The following EIF3H variants were observed in gnomAD, a reference collection of about 807,000 sequenced individuals.
EIF3H encodes eukaryotic translation initiation factor 3 subunit H.
Under a neutral mutation model 44.2 loss-of-function variants are expected in EIF3H, and 26 were observed. That is an observed-to-expected ratio of 0.59 (90% confidence interval 0.43 to 0.82). The LOEUF (loss-of-function observed/expected upper bound fraction) is 0.82, where lower values mean the gene tolerates loss of function less well. EIF3H is among the 40% of genes least tolerant of loss of function. EIF3H has a pLI of 0.00. For missense variants in EIF3H, 359 were observed against 432.8 expected, an observed-to-expected ratio of 0.83 and a Z score of 1.51; for synonymous variants, 166 against 151.9, an observed-to-expected ratio of 1.09 and a Z score of -0.68.
intron 1 of EIF3H, among the ~76,000 whole-genome samples, chr8:116,752,851 GAAAA>G (rs141864377): frequency 7.5e-6 from 1 of 133,742 alleles, no homozygotes; most frequent in African/African-American, 3.1e-5. Context: ...GAAAAGAAAA[GAAAA>G]AAGAGAGAGA....
intron 1 of EIF3H, among the ~76,000 whole-genome samples, chr8:116,761,717 G>C (rs1001189414): frequency 6.6e-6 from 1 of 152,154 alleles, no homozygotes; most frequent in African/African-American, 2.4e-5. Flanking sequence ...TTACTGTCTA[G>C]TTTAGAAATA....
intron 2 of EIF3H, among the ~76,000 whole-genome samples, chr8:116,670,916 T>A (rs1246499580): frequency 3.9e-5 from 6 of 152,168 alleles, no homozygotes; most frequent in Non-Finnish European, 8.8e-5. Flanking sequence ...TACTTTCCTA[T>A]GGAGGGCCAC....
At position 116,746,121 on chromosome 8, in the gene EIF3H, C is replaced by G. The variant is rs1194143818; in HGVS notation, c.132+9545G>C. On this transcript the variant is annotated intron_variant, in intron 1 of 7. Coordinates refer to ENST00000521861, the MANE Select transcript of EIF3H (RefSeq NM_003756.3). ...ATTTTTCCAAACTTCAGAATATTTA[C>G]TAAATTGACTTCTTATAGCTACAAA... 2.0e-5 allele frequency among the ~76,000 whole-genome samples: 3 copies of G among 152,134 alleles called. No individual in the cohort carries two copies. The East Asian group carries it at 5.8e-4, about 29-fold the overall frequency.
chr8:116,752,672 GAAAGAAAGA>G (rs1815361902), intron 1 of EIF3H, among the ~76,000 whole-genome samples: 1 of 37,318 alleles, frequency 2.7e-5, no homozygotes, highest in Non-Finnish European at 6.3e-5. Context: ...AATGAAGAAA[GAAAGAAAGA>G]AAGAAAGAAA....
intron 2 of EIF3H, among the ~76,000 whole-genome samples, chr8:116,717,984 A>G (rs1468621900): frequency 6.6e-6 from 1 of 152,186 alleles, no homozygotes; most frequent in African/African-American, 2.4e-5. Context: ...AATCTTCACA[A>G]TCTATATAAC....
intron 2 of EIF3H, among the ~76,000 whole-genome samples, chr8:116,667,451 T>C (rs16888629): frequency 0.06 from 7,995 of 134,362 alleles, 728 homozygotes; most frequent in African/African-American, 0.2. Context: ...AGAAAACTGT[T>C]TGTACAACTT....
intron 1 of EIF3H, among the ~76,000 whole-genome samples, chr8:116,754,798 T>C (rs985377530): frequency 6.6e-6 from 1 of 152,280 alleles, no homozygotes; most frequent in Non-Finnish European, 1.5e-5. Context: ...GTTTAAATTA[T>C]CAACAGTTTC....
At chr8:116,722,639 C>G (rs1166931266) in intron 2 of EIF3H, among the ~76,000 whole-genome samples, 2 of 152,090 alleles carry the variant, frequency 1.3e-5, no homozygotes, top group Non-Finnish European at 2.9e-5. Context: ...AGTGCTTATT[C>G]TGCAGCTTGC....
intron 2 of EIF3H, among the ~76,000 whole-genome samples, chr8:116,664,904 G>A (rs924288389): frequency 1.9e-4 from 29 of 149,126 alleles, no homozygotes; most frequent in African/African-American, 7.1e-4. Flanking sequence ...AGTAGAGCTA[G>A]GCACAGAGAA....
At chr8:116,686,963 G>A (rs1284593851) in intron 2 of EIF3H, among the ~76,000 whole-genome samples, 3 of 152,128 alleles carry the variant, frequency 2.0e-5, no homozygotes, top group African/African-American at 7.2e-5. Flanking sequence ...TTATCTCAAA[G>A]GGCCACAGGC....
chr8:116,754,126 T>G (rs1423569898), intron 1 of EIF3H, among the ~76,000 whole-genome samples: 5 of 152,134 alleles, frequency 3.3e-5, no homozygotes, highest in African/African-American at 1.2e-4. Flanking sequence ...TTTTCTTTTT[T>G]TTTTTTGGAC....
chr8:116,655,105 A>G (rs1033007589), intron 5 of EIF3H, among the ~76,000 whole-genome samples: 14 of 152,000 alleles, frequency 9.2e-5, no homozygotes, highest in Non-Finnish European at 1.9e-4. Flanking sequence ...AGACAAAATA[A>G]TCACTAACAT....
chr8:116,721,509 C>T (rs143082134), intron 2 of EIF3H, among the ~76,000 whole-genome samples: 2,655 of 152,322 alleles, frequency 0.017, 24 homozygotes, highest in Non-Finnish European at 0.027. Flanking sequence ...AGACGGCCAC[C>T]GTCCTCCAGA....
rs535467432 is a variant in EIF3H, at chr8:116,719,469, A to C, written c.289+6547T>G. Among the ~76,000 whole-genome samples, 4 of 152,268 alleles carry C rather than the reference A, an allele frequency of 2.6e-5. 1 individual carries two copies. The South Asian group carries it at 8.3e-4, about 32-fold the overall frequency. On this transcript the variant is annotated intron_variant, in intron 2 of 7. Coordinates refer to ENST00000521861, the MANE Select transcript of EIF3H (RefSeq NM_003756.3). ...AAGTAGGGAAACTTAAATGGAGAGAATGTAATATGGGAAAATGTTTGAATG... is the reference window on the plus strand; with the variant it reads ...AAGTAGGGAAACTTAAATGGAGAGACTGTAATATGGGAAAATGTTTGAATG...
chr8:116,729,964 C>T (rs750276328), intron 1 of EIF3H, among the ~76,000 whole-genome samples: 1 of 152,176 alleles, frequency 6.6e-6, no homozygotes, highest in Non-Finnish European at 1.5e-5. Context: ...GACTCAATCA[C>T]TAAAATAATT....
chr8:116,658,440 TA>T (rs1178547888), intron 3 of EIF3H: 6 of 161,918 alleles, frequency 3.7e-5, no homozygotes, highest in African/African-American at 7.2e-5. Flanking sequence ...GTCAGAGGTA[TA>T]AAAAAAACTT....
In EIF3H at chr8:116,679,367, T is replaced by C. The variant is rs1280405017; in HGVS notation, c.290-20387A>G. ...GTGGGGGGGTCAGCCCCCCGCCCGGTCAGCCCCCCGCCCGGCCAGCCGCCC... is the reference window on the plus strand; with the variant it reads ...GTGGGGGGGTCAGCCCCCCGCCCGGCCAGCCCCCCGCCCGGCCAGCCGCCC... On this transcript the variant is annotated intron_variant, in intron 2 of 7. Transcript: ENST00000521861. 2.1e-4 allele frequency among the ~76,000 whole-genome samples: 12 copies of C among 57,990 alleles called. 1 individual carries two copies. Among genetic ancestry groups the C allele is most frequent in the East Asian group, 4.5e-4 (1 of 2,226 alleles). 38.0% of individuals were successfully genotyped at this position (57,990 alleles called of 152,430 possible). A position where few individuals can be genotyped will look rare whatever the true frequency, so the allele number is the denominator to read the frequency against.
rs1027916104 is a variant in EIF3H, at chr8:116,642,608, C to T, written c.*2398G>A. The T allele has an allele frequency of 2.0e-5, 3 of 152,166 alleles. No homozygotes were observed. Among genetic ancestry groups the T allele is most frequent in the African/African-American group, 7.2e-5 (3 of 41,436 alleles). The allele number at this position is 152,166 out of a possible 1,614,324, so 9.4% of individuals were successfully genotyped here. On this transcript the variant is annotated 3_prime_UTR_variant, in exon 8 of 8. Coordinates refer to ENST00000521861, the MANE Select transcript of EIF3H (RefSeq NM_003756.3). ...TTTTTTCATTAGATTAACATGCTAG[C>T]TTTTCCTGTCTTTCTGTTCTTGGGT...
intron 2 of EIF3H, among the ~76,000 whole-genome samples, chr8:116,705,297 G>C (rs1814450062): frequency 6.6e-6 from 1 of 152,156 alleles, no homozygotes; most frequent in East Asian, 1.9e-4. Flanking sequence ...AATATAAGGA[G>C]AAAAGCTGTT....
Sources: gnomAD v4.1 joint callset for allele counts (sites outside exome capture counted in the v4.1 genomes callset) on GRCh38, gnomAD v4.1.1 for gene constraint, MANE v1.5 for transcripts, NCBI Gene and HGNC (gene_info 2026-07-23, HGNC 2026-07-21) for gene names.